The following TBX5 variants were observed in gnomAD, a reference collection of about 807,000 sequenced individuals.
The protein encoded by TBX5 is T-box transcription factor TBX5.
TBX5 carries 8 observed loss-of-function variants against 51.1 expected under a neutral mutation model. The ratio of observed to expected loss-of-function variants is 0.16; its 90% CI spans 0.09 to 0.28. The LOEUF is 0.28. TBX5 is among the 10% of genes least tolerant of loss of function. The pLI, the probability that TBX5 is intolerant of heterozygous loss-of-function variation, is 1.00. For missense variants in TBX5, 589 were observed against 671.7 expected (o/e 0.88, Z 1.36); for synonymous variants, 302 against 266.4 (o/e 1.13, Z -1.30).
At chr12:114,383,620 A>G (rs2136395411) in intron 7 of TBX5, among the ~76,000 whole-genome samples, 1 of 152,260 alleles carries the variant, frequency 6.6e-6, no homozygotes, top group South Asian at 2.1e-4. Flanking sequence ...ACCAGAACTG[A>G]ATTTGGGTCT....
At chr12:114,404,394 G>C (rs531905746) in intron 1 of TBX5, among the ~76,000 whole-genome samples, 1 of 152,056 alleles carries the variant, frequency 6.6e-6, no homozygotes. Flanking sequence ...AGATGCCGTC[G>C]AAACTCTTTT....
In TBX5 at chr12:114,403,276, G is replaced by A. The variant is rs1022846836; in HGVS notation, c.147+476C>T. On this transcript the variant is annotated intron_variant, in intron 2 of 8. Transcript: ENST00000405440. ...TCTAGTCGGCGGCGCGGAGGAGGCA[G>A]GAGGAGGCAGGAGGAGGCGGGAGGA... is the stretch of plus-strand genomic sequence containing the variant. Among the ~76,000 whole-genome samples the A allele has an allele frequency of 2.0e-5, 3 of 147,762 alleles. No homozygotes were observed. The South Asian group carries it at 6.3e-4, about 31-fold the overall frequency.
Position 114,398,650 on chromosome 12 carries a change from C to G in TBX5, c.433G>C (p.Gly145Arg). Residue 145 changes from glycine (G) to arginine (R), a missense_variant, in exon 5 of 9, where the codon GGG (glycine) becomes CGG (arginine). Gly to Arg is a moderately radical substitution (Grantham distance 125). Coordinates refer to ENST00000405440, the MANE Select transcript of TBX5 (RefSeq NM_181486.4). The stretch of plus-strand genomic sequence containing the variant: ...ACGAGCTGCCTCATCCAATGCGCCC[C>G]GGTGGCGGGGGAGTCTGGGTGCACG... ...LYVHPDSPAT[G>R]AHWMRQLVSF... The G allele has an allele frequency of 6.2e-7, 1 of 1,613,366 alleles. No homozygotes were observed. Among genetic ancestry groups the G allele is most frequent in the Non-Finnish European group, 8.5e-7 (1 of 1,179,792 alleles).
chr12:114,385,616 C>G (rs1232950205), intron 6 of TBX5, 49 bp from the exon 7 acceptor site: 1 of 1,438,752 alleles, frequency 7.0e-7, no homozygotes, highest in South Asian at 1.1e-5. Context: ...TTGATTGCTG[C>G]AAGACCACCT....
At chr12:114,371,412 G>T (rs942725933) in intron 7 of TBX5, among the ~76,000 whole-genome samples, 1 of 152,066 alleles carries the variant, frequency 6.6e-6, no homozygotes, top group Admixed American at 6.5e-5. Context: ...CGCCATTGTC[G>T]CTGGGTCTGG....
At chr12:114,399,441 C>G in intron 4 of TBX5, 72 bp downstream of exon 4, 1 of 1,587,058 alleles carries the variant, frequency 6.3e-7, no homozygotes, top group Non-Finnish European at 8.6e-7. Context: ...TTCACTGATA[C>G]AACTTTTCAA....
At position 114,398,731 on chromosome 12, in the gene TBX5, G is replaced by A; in HGVS notation, c.363-11C>T. ...TTGCCCGTCACAGACCTAGATGAAG[G>A]AGAGGTGTACTAGAGGCCTGGCTCA... On this transcript the variant is annotated splice_polypyrimidine_tract_variant and intron_variant, in intron 4 of 8. Coordinates refer to ENST00000405440, the MANE Select transcript of TBX5 (RefSeq NM_181486.4). 6.3e-7 allele frequency: 1 copy of A among 1,595,332 alleles called. No homozygotes were observed. The highest frequency in any genetic ancestry group is 8.5e-7 in the Non-Finnish European group (1 of 1,170,948).
intron 8 of TBX5, among the ~76,000 whole-genome samples, chr12:114,363,164 C>A (rs778083909): frequency 6.6e-6 from 1 of 152,154 alleles, no homozygotes; most frequent in Middle Eastern, 3.2e-3. Flanking sequence ...TATTGTTATC[C>A]TCATTTTGCA....
intron 6 of TBX5, among the ~76,000 whole-genome samples, chr12:114,389,101 G>A (rs1341433030): frequency 6.6e-6 from 1 of 151,498 alleles, no homozygotes; most frequent in Middle Eastern, 3.4e-3. Flanking sequence ...GCTAATTTTT[G>A]TATTTTAGTA....
chr12:114,407,257 G>T (rs763321310), upstream of TBX5: 6 of 250,966 alleles, frequency 2.4e-5, no homozygotes, highest in Middle Eastern at 1.9e-3. Context: ...CACCTTCCAG[G>T]TTTGTTTGCA....
chr12:114,358,777 T>TTTTGTTTGTTTGTTTG (rs34419380), intron 8 of TBX5, among the ~76,000 whole-genome samples: 3 of 150,698 alleles, frequency 2.0e-5, no homozygotes, highest in Admixed American at 6.6e-5. Flanking sequence ...GCGGGGTTTT[T>TTTTGTTTGTTTGTTTG]TTTGTTTGTT....
At chr12:114,395,670 C>A (rs893023852) in intron 5 of TBX5, among the ~76,000 whole-genome samples, 9 of 152,162 alleles carry the variant, frequency 5.9e-5, no homozygotes, top group Admixed American at 2.6e-4. Flanking sequence ...AGAATTATCT[C>A]CACGCTTGGC....
chr12:114,408,067 T>C, upstream of TBX5: 2 of 985,444 alleles, frequency 2.0e-6, no homozygotes, highest in Non-Finnish European at 2.4e-6. Flanking sequence ...CGATAGCGAC[T>C]ATCTCACCAG....
chr12:114,375,480 C>T (rs575454860), intron 7 of TBX5, among the ~76,000 whole-genome samples: 6 of 152,008 alleles, frequency 3.9e-5, no homozygotes, highest in African/African-American at 1.5e-4. Context: ...GGCAAAAGAC[C>T]TGAATAGACA....
At chr12:114,396,150 CCGGGGG>C (rs1871407807) in intron 5 of TBX5, among the ~76,000 whole-genome samples, 1 of 151,984 alleles carries the variant, frequency 6.6e-6, no homozygotes, top group Non-Finnish European at 1.5e-5. Context: ...CGAGCCGCGG[CCGGGGG>C]CGGGGGAGGG....
chr12:114,366,612 A>G (rs1869556075), intron 7 of TBX5, among the ~76,000 whole-genome samples: 1 of 152,220 alleles, frequency 6.6e-6, no homozygotes, highest in Admixed American at 6.5e-5. Flanking sequence ...AGGCAAGTAG[A>G]TTTACCAACA....
In TBX5 at chr12:114,392,475, C is replaced by G. The variant is rs148749413; in HGVS notation, c.663+2266G>C. Among the ~76,000 whole-genome samples, 689 of 152,204 alleles carry G rather than the reference C, an allele frequency of 4.5e-3. 4 individuals are homozygous for G. The highest frequency in any genetic ancestry group is 0.016 in the African/African-American group (649 of 41,512). On this transcript the variant is annotated intron_variant, in intron 6 of 8. Coordinates refer to ENST00000405440, the MANE Select transcript of TBX5 (RefSeq NM_181486.4). ...AGGGAGTGAGTTTTCCCACATCTAT[C>G]CACACCTGATGAGTCTTAAGAACAT...
At chr12:114,377,895 G>A (rs1870284037) in intron 7 of TBX5, among the ~76,000 whole-genome samples, 1 of 152,124 alleles carries the variant, frequency 6.6e-6, no homozygotes, top group Non-Finnish European at 1.5e-5. Flanking sequence ...CAATGTGGCT[G>A]TGTAGAGTCC....
At chr12:114,359,113 G>A (rs1007137111) in intron 8 of TBX5, among the ~76,000 whole-genome samples, 4 of 152,112 alleles carry the variant, frequency 2.6e-5, no homozygotes, top group African/African-American at 4.8e-5. Context: ...ATAAGAAAAC[G>A]GCCGGAACAC....
Sources: gnomAD v4.1 joint callset for allele counts (sites outside exome capture counted in the v4.1 genomes callset) on GRCh38, gnomAD v4.1.1 for gene constraint, MANE v1.5 for transcripts, NCBI Gene and HGNC (gene_info 2026-07-23, HGNC 2026-07-21) for gene names.